The following MYO15B variants were observed in gnomAD, a reference collection of about 807,000 sequenced individuals.
MYO15B encodes the protein myosin XVB pseudogene.
Under a neutral mutation model 119.3 loss-of-function variants are expected in MYO15B, and 207 were observed. That is an observed-to-expected ratio of 1.73 (90% CI 1.55 to 1.95). MYO15B has a LOEUF of 1.95. MYO15B is among the 30% of genes most tolerant of loss of function. MYO15B has a pLI of 0.00. For synonymous variants in MYO15B, 966 were observed against 498.9 expected, an observed-to-expected ratio of 1.94 and a Z score of -12.48; for missense variants, 2,264 against 1,203.1, an observed-to-expected ratio of 1.88 and a Z score of -13.04.
rs2056298615 is a variant in MYO15B, at chr17:75,589,477, GGT to G, written c.1422_1423del (p.Asp475ArgfsTer15). 2.3e-5 allele frequency: 9 copies of G among 396,422 alleles called. No individual in the cohort carries two copies. The highest frequency in any genetic ancestry group is 1.2e-4 in the African/African-American group (6 of 48,566). 24.6% of individuals were successfully genotyped at this position (396,422 alleles called of 1,614,324 possible). ...GGACGAGGGGCGGGGTCACGAGAGA[GGT>G]GACGAGGGCCGGGACCACCAGAGAG... On this transcript the variant is annotated frameshift_variant, in exon 1 of 64. Transcript: ENST00000645453. LOFTEE classifies it high-confidence loss of function. This position sits in a 1 kb window ranked among gnomAD's most constrained non-coding sequence, Gnocchi z 4.2.
exon 53 of MYO15B, chr17:75,622,036 C>T (rs778673275): frequency 7.1e-6 from 5 of 702,868 alleles, no homozygotes; most frequent in East Asian, 2.7e-5. Context: ...CCAGTCCAAG[C>T]CCCGGGGCAA....
exon 48 of MYO15B, chr17:75,620,348 C>G (rs1158198030): frequency 1.4e-6 from 1 of 702,978 alleles, no homozygotes; most frequent in Non-Finnish European, 2.6e-6. Context: ...GGTGGCCACC[C>G]TGGAGCCAGG....
chr17:75,606,335 T>A (rs35071762), intron 21 of MYO15B, among the ~76,000 whole-genome samples: 14,990 of 151,394 alleles, frequency 0.099, 1,793 homozygotes, highest in African/African-American at 0.29. Context: ...TTTTTTTGAG[T>A]TGGAGTTTTG....
chr17:75,609,415 T>G (rs2057862420), intron 21 of MYO15B, among the ~76,000 whole-genome samples: 1 of 151,746 alleles, frequency 6.6e-6, no homozygotes, highest in Non-Finnish European at 1.5e-5. Context: ...TCTCAAGCAA[T>G]TCTCCTTCCT....
chr17:75,589,875 C>T lies in MYO15B; in HGVS notation c.1818C>T (p.Ala606=). 1 of 398,608 alleles carries T rather than the reference C, an allele frequency of 2.5e-6. No homozygotes were observed. The highest frequency in any genetic ancestry group is 3.6e-5 in the East Asian group (1 of 28,070). The allele number at this position is 398,608 out of a possible 1,614,324, so 24.7% of individuals were successfully genotyped here. Residue 606 remains alanine (A), a synonymous_variant, in exon 1 of 64, where the codon GCC becomes GCT. Transcript: ENST00000645453. This position sits in a 1 kb window ranked among gnomAD's most constrained non-coding sequence, Gnocchi z 4.2. ...GGCTTCGTCGCGGCTCCCTCCTTGC[C>T]CCGACTGCACCCGACGGGCCTTCCC...
exon 1 of MYO15B, chr17:75,590,152 C>T (rs62089225): frequency 5.0e-6 from 2 of 398,984 alleles, no homozygotes; most frequent in Non-Finnish European, 8.8e-6. Flanking sequence ...GCTGAGCCTC[C>T]GGCCGGGCCT....
intron 63 of MYO15B, 30 bp from the exon 64 acceptor site, chr17:75,626,377 C>A: frequency 1.4e-6 from 1 of 702,944 alleles, no homozygotes. Context: ...GGCTGGGGAG[C>A]CCTCTTGTAA....
At chr17:75,588,432 T>C (rs2056199470) in exon 1 of MYO15B, 2 of 398,054 alleles carry the variant, frequency 5.0e-6, no homozygotes, top group African/African-American at 2.1e-5. Context: ...GCGGCCGCCG[T>C]AGGAGGAAGC....
At chr17:75,601,551 T>C (rs752995321) in exon 15 of MYO15B, 1 of 703,152 alleles carries the variant, frequency 1.4e-6, no homozygotes, top group Non-Finnish European at 2.6e-6. Flanking sequence ...ATGCAGGGAC[T>C]GTCACCTACC....
In MYO15B at chr17:75,589,078, C is replaced by T. The variant is rs2056241984; in HGVS notation, c.1021C>T (p.Arg341Cys). Residue 341 changes from arginine to cysteine, a missense_variant, in exon 1 of 64, where the codon CGC becomes TGC. Physicochemically the swap from Arg to Cys is radical, Grantham distance 180. Coordinates refer to ENST00000645453, the Ensembl canonical transcript of MYO15B. This position sits in a 1 kb window ranked among gnomAD's most constrained non-coding sequence, Gnocchi z 4.2. ...CCCGCTGGCGGCCCTCCTGGTGGTC[C>T]GCAGGCTCCTCGCGAGGCCCCCGCC... 1 of 395,000 alleles carries T rather than the reference C, an allele frequency of 2.5e-6. No homozygotes were observed. Among genetic ancestry groups the T allele is most frequent in the Admixed American group, 4.4e-5 (1 of 22,556 alleles). 24.5% of individuals were successfully genotyped at this position (395,000 alleles called of 1,614,324 possible). A position where few individuals can be genotyped will look rare whatever the true frequency, so the allele number is the denominator to read the frequency against.
exon 34 of MYO15B, chr17:75,615,241 G>A (rs2058295203): frequency 1.0e-5 from 7 of 701,844 alleles, no homozygotes; most frequent in Admixed American, 6.0e-5. Flanking sequence ...TTCCCTCAGT[G>A]TACCCAGGAA....
chr17:75,612,174 C>G (rs916567026), intron 25 of MYO15B, among the ~76,000 whole-genome samples, 158 bp downstream of exon 25: 1 of 152,126 alleles, frequency 6.6e-6, no homozygotes, highest in Non-Finnish European at 1.5e-5. Flanking sequence ...TGAAAATAAC[C>G]GTTGAATGTA....
At chr17:75,601,342 TCAGTGTAGG>T in intron 14 of MYO15B, 87 bp from the exon 15 acceptor site, 1 of 632,172 alleles carries the variant, frequency 1.6e-6, no homozygotes, top group East Asian at 2.8e-5. Context: ...ACCCTTATAG[TCAGTGTAGG>T]CAGTACTCGT....
intron 15 of MYO15B, among the ~76,000 whole-genome samples, chr17:75,601,788 C>G (rs1440995754): frequency 6.6e-6 from 1 of 152,206 alleles, no homozygotes; most frequent in Non-Finnish European, 1.5e-5. Context: ...ACCCTCCAGA[C>G]AAGTGGGCAG....
At chr17:75,620,313 G>A (rs1263729148) in exon 48 of MYO15B, 9 of 702,912 alleles carry the variant, frequency 1.3e-5, no homozygotes, top group Non-Finnish European at 2.1e-5. Context: ...AGCTTCCACC[G>A]TGGGGACCTC....
exon 39 of MYO15B, chr17:75,616,572 G>T (rs1275583332): frequency 1.4e-6 from 1 of 703,156 alleles, no homozygotes; most frequent in East Asian, 2.7e-5. Context: ...TTGAAGCAAG[G>T]TGGGGCCAAA....
At position 75,620,617 on chromosome 17, in the gene MYO15B, G is replaced by A. The variant is rs754869186; in HGVS notation, c.7706G>A (p.Arg2569Gln). ...TCCAACGGGGAACCAGGGCTGGCTC[G>A]GTGGGACAGGGCCTCAGAGGTGAGG... The change falls in exon 49 of 64, where the codon CGG becomes CAG. Residue 2569 changes from arginine to glutamine, a missense_variant. By Grantham distance (43) the Arg-to-Gln change is conservative. Transcript: ENST00000645453. The A allele has an allele frequency of 3.0e-5, 21 of 701,634 alleles. 1 individual carries two copies. The highest frequency in any genetic ancestry group is 1.9e-4 in the South Asian group (13 of 67,566). The allele number at this position is 701,634 out of a possible 1,614,324, so 43.5% of individuals were successfully genotyped here. A position where few individuals can be genotyped will look rare whatever the true frequency, so the allele number is the denominator to read the frequency against.
At chr17:75,591,869 T>C (rs2056480643) in intron 5 of MYO15B, 108 bp from the exon 6 acceptor site, 2 of 667,302 alleles carry the variant, frequency 3.0e-6, no homozygotes, top group African/African-American at 3.5e-5. Context: ...CTGCAGGCAC[T>C]GCCCTTTCTG....
At chr17:75,621,151 C>T (rs1269522699) in exon 50 of MYO15B, 3 of 699,382 alleles carry the variant, frequency 4.3e-6, no homozygotes, top group Non-Finnish European at 7.8e-6. Context: ...ATTCGCCCGG[C>T]GTTACTTCCG....
Sources: gnomAD v4.1 joint callset for allele counts (sites outside exome capture counted in the v4.1 genomes callset) on GRCh38, gnomAD v4.1.1 for gene constraint, Gnocchi (gnomAD v3.1) non-coding constraint, MANE v1.5 for transcripts, NCBI Gene and HGNC (gene_info 2026-07-23, HGNC 2026-07-21) for gene names.